The following KLHDC1 variants were observed in gnomAD, a reference collection of about 807,000 sequenced individuals.
KLHDC1 encodes kelch domain-containing protein 1.
A neutral mutation model predicts 68.3 loss-of-function variants in KLHDC1; 53 were observed. That is an observed-to-expected ratio of 0.78 (90% confidence interval 0.62 to 0.98). The LOEUF (loss-of-function observed/expected upper bound fraction) is 0.98. KLHDC1 is among the 50% of genes least tolerant of loss of function. The pLI is 0.00. For synonymous variants in KLHDC1, 148 were observed against 159.0 expected, an observed-to-expected ratio of 0.93 and a Z score of 0.52; for missense variants, 470 against 492.3, an observed-to-expected ratio of 0.95 and a Z score of 0.43.
At chr14:49,693,742 C>CTTTTTTTTTTTTTTTTTTT (rs1566589138) in intron 1 of KLHDC1, among the ~76,000 whole-genome samples, 7 of 60,924 alleles carry the variant, frequency 1.1e-4, no homozygotes, top group African/African-American at 3.8e-4. Flanking sequence ...ATTTTCTTTT[C>CTTTTTTTTTTTTTTTTTTT]TTTTTCTTTT....
intron 8 of KLHDC1, among the ~76,000 whole-genome samples, chr14:49,732,005 A>G (rs1190508480): frequency 6.6e-6 from 1 of 152,194 alleles, no homozygotes; most frequent in African/African-American, 2.4e-5. Context: ...ACAACAATAT[A>G]AAAACCCATA....
chr14:49,713,798 GTATATATATATATATATATATATATA>G (rs1174449263), intron 4 of KLHDC1, among the ~76,000 whole-genome samples: 6 of 58,568 alleles, frequency 1.0e-4, no homozygotes, highest in African/African-American at 4.1e-4. Context: ...GAGGCAGGAG[GTATATATATATATATATATATATATA>G]TATATATATA....
chr14:49,726,027 T>C (rs1888663971), intron 6 of KLHDC1, among the ~76,000 whole-genome samples: 1 of 152,124 alleles, frequency 6.6e-6, no homozygotes, highest in Admixed American at 6.6e-5. Flanking sequence ...TTTGTATTTT[T>C]AGTAGAGACG....
At chr14:49,693,321 C>A in intron 1 of KLHDC1, 31 bp downstream of exon 1, 1 of 1,405,904 alleles carries the variant, frequency 7.1e-7, no homozygotes, top group East Asian at 2.9e-5. Flanking sequence ...GGGGTAGACT[C>A]GCGCCGGGAG....
intron 8 of KLHDC1, among the ~76,000 whole-genome samples, chr14:49,732,298 G>A (rs562831936): frequency 3.9e-5 from 6 of 151,946 alleles, no homozygotes; most frequent in South Asian, 4.2e-4. Flanking sequence ...TCAGCCTCCC[G>A]AGTAGCTGGG....
chr14:49,693,399 G>T, intron 1 of KLHDC1, 109 bp downstream of exon 1: 2 of 722,460 alleles, frequency 2.8e-6, no homozygotes, highest in Non-Finnish European at 1.9e-6. Context: ...GGCCTGGCGC[G>T]CCCGGCGCCT....
At chr14:49,694,105 A>G (rs924351061) in intron 1 of KLHDC1, among the ~76,000 whole-genome samples, 5 of 151,862 alleles carry the variant, frequency 3.3e-5, no homozygotes, top group Non-Finnish European at 7.4e-5. Flanking sequence ...ACTAATGACT[A>G]TTTTTTCTAG....
At chr14:49,710,195 A>G (rs964512169) in intron 3 of KLHDC1, 68 bp from the exon 4 acceptor site, 3 of 828,090 alleles carry the variant, frequency 3.6e-6, no homozygotes, top group African/African-American at 3.4e-5. Context: ...TTCTTGGATC[A>G]CATTCCCTCT....
intron 8 of KLHDC1, among the ~76,000 whole-genome samples, chr14:49,730,369 G>A (rs886360417): frequency 1.5e-4 from 23 of 151,548 alleles, no homozygotes; most frequent in Admixed American, 1.3e-3. Flanking sequence ...CTACAGGCGC[G>A]CACCACCACG....
At chr14:49,741,197 G>T (rs1889056013) in intron 11 of KLHDC1, among the ~76,000 whole-genome samples, 1 of 152,110 alleles carries the variant, frequency 6.6e-6, no homozygotes, top group African/African-American at 2.4e-5. Context: ...GCTAATTTTA[G>T]AGTTAGAACA....
chr14:49,698,517 G>C (rs1887807354), intron 1 of KLHDC1, among the ~76,000 whole-genome samples: 1 of 145,626 alleles, frequency 6.9e-6, no homozygotes, highest in Non-Finnish European at 1.5e-5. Flanking sequence ...TTTTTGTTTT[G>C]TTTTGTTTTG....
chr14:49,694,652 G>C (rs1368106911), intron 1 of KLHDC1, among the ~76,000 whole-genome samples: 1 of 152,064 alleles, frequency 6.6e-6, no homozygotes, highest in Non-Finnish European at 1.5e-5. Flanking sequence ...TCAGGAGTCC[G>C]AGACCAGCCT....
Position 49,751,696 on chromosome 14 carries a change from C to A in KLHDC1, c.1145C>A (p.Ala382Glu). ...QVLKKITFWA[A>E]ANHREEQRVQ... ...CTCAAAAAAATAACATTTTGGGCTG[C>A]AGCTAATCACCGAGAAGAACAAAGA... The change falls in exon 13 of 13, where the codon GCA (alanine) becomes GAA (glutamate). Residue 382 changes from alanine (A) to glutamate (E), a missense_variant. By Grantham distance (107) the Ala-to-Glu change is moderately radical. Coordinates refer to ENST00000359332, the MANE Select transcript of KLHDC1 (RefSeq NM_172193.3). The A allele has an allele frequency of 5.0e-6, 8 of 1,605,630 alleles. No homozygotes were observed. Among genetic ancestry groups the A allele is most frequent in the Non-Finnish European group, 6.8e-6 (8 of 1,175,002 alleles).
rs140653272 is a variant in KLHDC1 at position 49,712,112 on chromosome 14, G to A, written c.404+1731G>A. 5.3e-3 allele frequency among the ~76,000 whole-genome samples: 800 copies of A among 151,350 alleles called. 7 individuals carry two copies. Among genetic ancestry groups the A allele is most frequent in the African/African-American group, 0.019 (767 of 41,290 alleles). On this transcript the variant is annotated intron_variant, in intron 4 of 12. Coordinates refer to ENST00000359332, the MANE Select transcript of KLHDC1 (RefSeq NM_172193.3). ...TTTTTGTATTTTTAGTAGAGACTGG[G>A]TTTCACCATGTTAGCCAGGATGGTC...
At position 49,723,879 on chromosome 14, in the gene KLHDC1, T is replaced by A. The variant is rs371511029; in HGVS notation, c.410T>A (p.Ile137Lys). The change falls in exon 5 of 13, where the codon ATA becomes AAA. Residue 137 changes from isoleucine to lysine, a missense_variant. Transcript: ENST00000359332. ...LSCWVYKDRLIYFGGYGCRRH... is the reference protein window; with the variant it reads ...LSCWVYKDRLKYFGGYGCRRH... ...ATTTCGTATTTGTTTTTCAGACTAA[T>A]ATATTTTGGTGGTTATGGGTGTAGG... is the stretch of plus-strand genomic sequence containing the variant. 6.3e-7 allele frequency: 1 copy of A among 1,574,924 alleles called. No individual in the cohort carries two copies. The highest frequency in any genetic ancestry group is 8.7e-7 in the Non-Finnish European group (1 of 1,150,784).
intron 1 of KLHDC1, among the ~76,000 whole-genome samples, chr14:49,703,123 A>G (rs756663411): frequency 6.6e-6 from 1 of 152,052 alleles, no homozygotes; most frequent in Non-Finnish European, 1.5e-5. Context: ...AAATATAAAC[A>G]ACTGTTTACT....
chr14:49,713,829 TA>T (rs869152887), intron 4 of KLHDC1, among the ~76,000 whole-genome samples: 561 of 9,950 alleles, frequency 0.056, 96 homozygotes, highest in Non-Finnish European at 0.071. Context: ...TATATATATA[TA>T]TATATATATA....
chr14:49,697,825 C>T (rs1220577390), intron 1 of KLHDC1, among the ~76,000 whole-genome samples: 1 of 152,090 alleles, frequency 6.6e-6, no homozygotes, highest in Non-Finnish European at 1.5e-5. Context: ...TTACTATATT[C>T]CTGTAAAGTA....
intron 4 of KLHDC1, among the ~76,000 whole-genome samples, chr14:49,714,812 T>A (rs906845765): frequency 6.7e-6 from 1 of 149,110 alleles, no homozygotes. Flanking sequence ...ATATAACATA[T>A]ACTTTAGCAT....
Sources: allele counts gnomAD v4.1 joint callset (sites outside exome capture counted in the v4.1 genomes callset), GRCh38; gene constraint gnomAD v4.1.1; transcripts MANE v1.5; gene names NCBI Gene and HGNC (gene_info 2026-07-23, HGNC 2026-07-21).